The following ABI3BP variants were observed in gnomAD, a reference collection of about 807,000 sequenced individuals.
ABI3BP encodes target of Nesh-SH3.
In ABI3BP, 216 loss-of-function variants were observed where a neutral mutation model predicts 268.6. The ratio of observed to expected loss-of-function variants is 0.80; its 90% CI spans 0.72 to 0.90. The LOEUF is 0.90. Ranked by LOEUF, ABI3BP falls within the 40% of genes least tolerant of loss-of-function variation. The pLI is 0.00. For synonymous variants in ABI3BP, 730 were observed against 730.0 expected, an observed-to-expected ratio of 1.00 and a Z score of 0.00; for missense variants, 2,090 against 2,182.4, an observed-to-expected ratio of 0.96 and a Z score of 0.84.
intron 42 of ABI3BP, among the ~76,000 whole-genome samples, chr3:100,817,201 A>G (rs902731699): frequency 1.3e-5 from 2 of 152,226 alleles, no homozygotes; most frequent in African/African-American, 4.8e-5. Flanking sequence ...ACAAATTCAA[A>G]TAAGATTACA....
chr3:100,763,802 C>T (rs996920276), intron 63 of ABI3BP, among the ~76,000 whole-genome samples: 25 of 152,348 alleles, frequency 1.6e-4, no homozygotes, highest in Admixed American at 4.6e-4. Flanking sequence ...CCAAATGGCA[C>T]TCTTGCCAAG....
intron 1 of ABI3BP, among the ~76,000 whole-genome samples, chr3:100,951,187 C>G (rs2074824979): frequency 6.6e-6 from 1 of 151,924 alleles, no homozygotes; most frequent in South Asian, 2.1e-4. Context: ...TAACTCCTCT[C>G]TAGCATTGCA....
intron 1 of ABI3BP, among the ~76,000 whole-genome samples, chr3:100,927,086 T>A (rs1458906514): frequency 1.3e-5 from 2 of 152,118 alleles, no homozygotes; most frequent in Admixed American, 6.6e-5. Context: ...GATTTCTAAG[T>A]GTGATACTCA....
chr3:100,949,780 AT>A (rs1431439889), intron 1 of ABI3BP, among the ~76,000 whole-genome samples: 2 of 152,166 alleles, frequency 1.3e-5, no homozygotes, highest in African/African-American at 4.8e-5. Context: ...GAGATTCCTC[AT>A]CTGATCCTGT....
rs375835474 is a variant in ABI3BP at position 100,864,867 on chromosome 3, C to T, written c.1029G>A (p.Thr343=). The T allele has an allele frequency of 2.9e-4, 459 of 1,608,308 alleles. 6 individuals carry two copies. The South Asian group carries it at 4.8e-3, about 17-fold the overall frequency. The change falls in exon 11 of 68, where the codon ACG becomes ACA. Residue 343 remains threonine (T), a synonymous_variant. Transcript: ENST00000471714. ...TTTCTGAAACATCTAATGCACTAGA[C>T]GTAGTGGGTTTAGTGCTTCTTGGAA... ...ETVPRSTKPT[T]SSALDVSETT... is the part of the protein sequence containing the mutation.
At chr3:100,813,268 CTCCT>C in intron 45 of ABI3BP, among the ~76,000 whole-genome samples, 1 of 152,144 alleles carries the variant, frequency 6.6e-6, no homozygotes, top group Non-Finnish European at 1.5e-5. Flanking sequence ...TGAGAAATTT[CTCCT>C]TCCTTGATGG....
rs556755868 is a variant in ABI3BP at position 100,828,951 on chromosome 3, C to T, written c.2543-499G>A. On this transcript the variant is annotated intron_variant, in intron 33 of 67. Transcript: ENST00000471714. ...ACTCCTCAGGCCAGCATTCAAGACC[C>T]CTTCTCACTTAGCTGCAGACACCTC... Among the ~76,000 whole-genome samples the T allele has an allele frequency of 2.6e-5, 4 of 152,152 alleles. No individual in the cohort carries two copies. In the East Asian group the frequency reaches 7.7e-4, roughly 29 times the overall value.
In ABI3BP at chr3:100,751,816, C is replaced by G. The variant is rs550779175; in HGVS notation, c.5123-142G>C. On this transcript the variant is annotated intron_variant, in intron 66 of 67. Transcript: ENST00000471714. The stretch of plus-strand genomic sequence containing the variant: ...CAAACCAACAATGTTTCTTGCCTAC[C>G]TGTATTCTTCCTCCCCTCCCTTTCA... The G allele has an allele frequency of 5.6e-5, 44 of 788,890 alleles. 1 individual carries two copies. In the South Asian group the frequency reaches 1.1e-3, roughly 20 times the overall value. The allele number at this position is 788,890 out of a possible 1,614,324, so 48.9% of individuals were successfully genotyped here.
chr3:100,862,462 G>A, intron 13 of ABI3BP, 77 bp from the exon 14 acceptor site: 2 of 999,880 alleles, frequency 2.0e-6, no homozygotes, highest in Non-Finnish European at 3.0e-6. Context: ...ATAGGTTGCT[G>A]GTATGGTTAA....
chr3:100,941,992 G>T (rs2069503228), intron 1 of ABI3BP, among the ~76,000 whole-genome samples: 1 of 152,058 alleles, frequency 6.6e-6, no homozygotes, highest in African/African-American at 2.4e-5. Context: ...ATAGGTATTT[G>T]CTGTAAAGGA....
At chr3:100,922,369 G>A (rs184802693) in intron 2 of ABI3BP, among the ~76,000 whole-genome samples, 5 of 152,260 alleles carry the variant, frequency 3.3e-5, no homozygotes, top group Non-Finnish European at 2.9e-5. Flanking sequence ...GCGTGACAAA[G>A]GAGAATTGAG....
intron 2 of ABI3BP, chr3:100,911,335 G>A (rs2056366439): frequency 1.1e-5 from 3 of 278,278 alleles, no homozygotes; most frequent in Non-Finnish European, 2.1e-5. Flanking sequence ...TGGATAAAAG[G>A]TCCATAATGC....
chr3:100,778,179 C>T, intron 59 of ABI3BP, 105 bp downstream of exon 59: 1 of 1,107,046 alleles, frequency 9.0e-7, no homozygotes, highest in Non-Finnish European at 1.4e-6. Flanking sequence ...ACAAACGTGT[C>T]ACACACATCA....
rs1016773986 is a variant in ABI3BP, at chr3:100,862,844, T to G, written c.1204A>C (p.Thr402Pro). The G allele has an allele frequency of 8.5e-6, 13 of 1,534,260 alleles. No homozygotes were observed. In the African/African-American group the frequency reaches 1.8e-4, roughly 21 times the overall value. Reference protein sequence around the residue: ...TPFPFEKPRGTLASSEKPWIV... With the variant: ...TPFPFEKPRGPLASSEKPWIV... ...TTTAAGGTACTCTTATTACCCAATG[T>G]GCCCCTAGGTTTCTCAAAAGGGAAG... Residue 402 changes from threonine (T) to proline (P), a missense_variant, in exon 13 of 68, where the codon ACA becomes CCA. Physicochemically the swap from Thr to Pro is conservative, Grantham distance 38. Transcript: ENST00000471714.
At chr3:100,936,987 CT>C (rs1337393660) in intron 1 of ABI3BP, among the ~76,000 whole-genome samples, 4 of 151,994 alleles carry the variant, frequency 2.6e-5, no homozygotes, top group Non-Finnish European at 5.9e-5. Flanking sequence ...TTCGTTTCTG[CT>C]CTGATTTTAC....
chr3:100,992,263 C>A (rs143232964), intron 1 of ABI3BP, among the ~76,000 whole-genome samples: 1 of 152,250 alleles, frequency 6.6e-6, no homozygotes, highest in Admixed American at 6.5e-5. Context: ...TTTCACTTTA[C>A]CCACCGAGGA....
chr3:100,773,484 T>C (rs993763904), intron 61 of ABI3BP, among the ~76,000 whole-genome samples: 1 of 152,186 alleles, frequency 6.6e-6, no homozygotes, highest in African/African-American at 2.4e-5. Flanking sequence ...TTGGAGGAAC[T>C]AGAACTCTCA....
chr3:100,867,993 G>A (rs1306052431), intron 9 of ABI3BP, among the ~76,000 whole-genome samples: 1 of 152,008 alleles, frequency 6.6e-6, no homozygotes, highest in African/African-American at 2.4e-5. Flanking sequence ...CATTTGAAAG[G>A]GTATAATTAG....
At chr3:100,796,320 A>G in intron 52 of ABI3BP, 89 bp downstream of exon 52, 1 of 1,071,820 alleles carries the variant, frequency 9.3e-7, no homozygotes, top group East Asian at 2.7e-5. Context: ...TTTCTTCCAT[A>G]TCACAACCAT....
Sources: gnomAD v4.1 joint callset for allele counts (sites outside exome capture counted in the v4.1 genomes callset) on GRCh38, gnomAD v4.1.1 for gene constraint, MANE v1.5 for transcripts, NCBI Gene and HGNC (gene_info 2026-07-23, HGNC 2026-07-21) for gene names.